Variants in SLCO1B3 observed in about 807,000 individuals in gnomAD.
SLCO1B3 encodes the protein liver-specific organic anion transporter 2.
In SLCO1B3, 72 loss-of-function variants were observed where a neutral mutation model predicts 71.8. That is an observed-to-expected ratio of 1.00 (90% CI 0.83 to 1.22). The LOEUF (loss-of-function observed/expected upper bound fraction) is 1.22. Ranked by LOEUF, SLCO1B3 falls within the 50% of genes most tolerant of loss-of-function variation. The pLI is 0.00. For synonymous variants in SLCO1B3, 298 were observed against 278.4 expected, an observed-to-expected ratio of 1.07 and a Z score of -0.70; for missense variants, 911 against 819.7, an observed-to-expected ratio of 1.11 and a Z score of -1.36.
intron 8 of SLCO1B3, among the ~76,000 whole-genome samples, chr12:20,869,153 C>T (rs1033705003): frequency 1.1e-4 from 16 of 152,110 alleles, no homozygotes; most frequent in African/African-American, 3.9e-4. Context: ...GGGTGACTCC[C>T]TTTCCCGGTC....
At chr12:20,889,624 T>C in intron 13 of SLCO1B3, among the ~76,000 whole-genome samples, 1 of 152,132 alleles carries the variant, frequency 6.6e-6, no homozygotes, top group Non-Finnish European at 1.5e-5. Flanking sequence ...CTATCTATCT[T>C]ACTTATATTT....
intron 6 of SLCO1B3, 85 bp downstream of exon 6, chr12:20,861,223 A>G (rs1865259009): frequency 8.0e-7 from 1 of 1,254,504 alleles, no homozygotes; most frequent in Non-Finnish European, 1.1e-6. Flanking sequence ...CTTTAACAAA[A>G]TTGATTTAAG....
intron 13 of SLCO1B3, 127 bp from the exon 14 acceptor site, chr12:20,898,309 C>T (rs764318445): frequency 2.5e-5 from 15 of 612,012 alleles, no homozygotes; most frequent in East Asian, 1.2e-4. Flanking sequence ...CTTTATATAA[C>T]GTGGGAAATT....
chr12:20,827,063 T>C lies in SLCO1B3; in HGVS notation c.84+11241T>C, dbSNP rs543952165. Among the ~76,000 whole-genome samples the C allele has an allele frequency of 3.2e-4, 48 of 152,304 alleles. 1 individual carries two copies. The South Asian group carries it at 8.3e-3, about 26-fold the overall frequency. ...AATAACTTTTTTCTTGTTGTTGTTTTGCCAATAACTCAAAAGTTAGCTGTT... is the reference window on the plus strand; with the variant it reads ...AATAACTTTTTTCTTGTTGTTGTTTCGCCAATAACTCAAAAGTTAGCTGTT... On this transcript the variant is annotated intron_variant, in intron 3 of 15. Transcript: ENST00000381545.
At chr12:20,899,617 C>T (rs957179794) in intron 14 of SLCO1B3, among the ~76,000 whole-genome samples, 14 of 152,248 alleles carry the variant, frequency 9.2e-5, no homozygotes, top group African/African-American at 3.1e-4. Flanking sequence ...TTTCTGTGTC[C>T]CTAATCTTCC....
intron 1 of SLCO1B3, among the ~76,000 whole-genome samples, chr12:20,813,259 G>A (rs184073669): frequency 6.4e-4 from 97 of 152,244 alleles, no homozygotes; most frequent in African/African-American, 1.9e-3. Context: ...TCCTTGTTGA[G>A]TAAATTAATG....
chr12:20,828,324 A>G lies in SLCO1B3; in HGVS notation c.84+12502A>G, dbSNP rs999726005. Among the ~76,000 whole-genome samples the G allele has an allele frequency of 3.3e-5, 5 of 151,708 alleles. 1 individual carries two copies. Among genetic ancestry groups the G allele is most frequent in the Admixed American group, 3.3e-4 (5 of 15,216 alleles). On this transcript the variant is annotated intron_variant, in intron 3 of 15. Coordinates refer to ENST00000381545, the MANE Select transcript of SLCO1B3 (RefSeq NM_019844.4). ...TAGTAAAAAAAAAAAAAAAAAGGTA[A>G]CACAATACAAAAACAGGCATTAAGA...
At chr12:20,851,018 T>C (rs535836661) in intron 3 of SLCO1B3, among the ~76,000 whole-genome samples, 7 of 152,338 alleles carry the variant, frequency 4.6e-5, no homozygotes, top group African/African-American at 1.4e-4. Flanking sequence ...TGAGATGATA[T>C]CTCATTGTGG....
intron 13 of SLCO1B3, among the ~76,000 whole-genome samples, chr12:20,896,841 T>C (rs967800047): frequency 2.6e-5 from 4 of 152,164 alleles, no homozygotes; most frequent in African/African-American, 7.2e-5. Flanking sequence ...AGGTTTAATA[T>C]GACTTATAGT....
intron 8 of SLCO1B3, among the ~76,000 whole-genome samples, chr12:20,868,712 C>A (rs1288555320): frequency 4.6e-5 from 7 of 151,932 alleles, no homozygotes; most frequent in Non-Finnish European, 8.8e-5. Flanking sequence ...ACCACCAATG[C>A]ACAGAGACTG....
intron 3 of SLCO1B3, among the ~76,000 whole-genome samples, chr12:20,823,675 G>T (rs773266215): frequency 6.6e-6 from 1 of 152,102 alleles, no homozygotes; most frequent in Non-Finnish European, 1.5e-5. Flanking sequence ...TTTGCACTAC[G>T]AATGTAAGAT....
intron 15 of SLCO1B3, chr12:20,902,014 A>G (rs1302634091): frequency 2.9e-6 from 1 of 339,538 alleles, no homozygotes; most frequent in Non-Finnish European, 5.6e-6. Flanking sequence ...TTATATATTG[A>G]TCAATATATA....
At position 20,899,234 on chromosome 12, in the gene SLCO1B3, A is replaced by G. The variant is rs371144092; in HGVS notation, c.1747+734A>G. ...CATTTGCCTTTTTTACTGCACAGATACTTGTTGTTAAATAATGTCTAGTCT... is the reference window on the plus strand; with the variant it reads ...CATTTGCCTTTTTTACTGCACAGATGCTTGTTGTTAAATAATGTCTAGTCT... On this transcript the variant is annotated intron_variant, in intron 14 of 15. Transcript: ENST00000381545. Among the ~76,000 whole-genome samples the G allele has an allele frequency of 2.6e-5, 4 of 152,310 alleles. No homozygotes were observed. In the East Asian group the frequency reaches 7.7e-4, roughly 29 times the overall value.
At chr12:20,825,056 C>T (rs1012125542) in intron 3 of SLCO1B3, among the ~76,000 whole-genome samples, 5 of 152,128 alleles carry the variant, frequency 3.3e-5, no homozygotes, top group African/African-American at 1.2e-4. Context: ...TTAAATCTGT[C>T]TCTCAAATCT....
Position 20,861,004 on chromosome 12 carries a change from G to T in SLCO1B3, c.360-13G>T. On this transcript the variant is annotated splice_polypyrimidine_tract_variant and intron_variant, in intron 5 of 15. Coordinates refer to ENST00000381545, the MANE Select transcript of SLCO1B3 (RefSeq NM_019844.4). Reference sequence around the variant, plus strand: ...AGATAAGCAAAATGTTCAATTTCATGTTGCTCTTACAGTTATAGGTATTCT... The same window carrying T: ...AGATAAGCAAAATGTTCAATTTCATTTTGCTCTTACAGTTATAGGTATTCT... 6.5e-7 allele frequency: 1 copy of T among 1,550,188 alleles called. No homozygotes were observed. Among genetic ancestry groups the T allele is most frequent in the Non-Finnish European group, 8.7e-7 (1 of 1,144,232 alleles).
chr12:20,851,025 G>T (rs1865017564), intron 3 of SLCO1B3, among the ~76,000 whole-genome samples: 1 of 152,130 alleles, frequency 6.6e-6, no homozygotes, highest in African/African-American at 2.4e-5. Context: ...ATATCTCATT[G>T]TGGTTTTGAT....
chr12:20,861,723 T>A (rs544245087), intron 6 of SLCO1B3, among the ~76,000 whole-genome samples: 23 of 134,244 alleles, frequency 1.7e-4, no homozygotes, highest in African/African-American at 4.8e-4. Context: ...CCCCAAAATT[T>A]ATTAAAAATA....
intron 3 of SLCO1B3, among the ~76,000 whole-genome samples, chr12:20,828,734 T>A (rs1864480284): frequency 6.6e-6 from 1 of 152,108 alleles, no homozygotes; most frequent in Non-Finnish European, 1.5e-5. Flanking sequence ...AAATACATCC[T>A]TTTAAATTTC....
chr12:20,877,569 T>C (rs964467819), intron 9 of SLCO1B3, among the ~76,000 whole-genome samples: 3 of 152,282 alleles, frequency 2.0e-5, no homozygotes, highest in African/African-American at 2.4e-5. Context: ...TCAGTTTAGA[T>C]GACATCTGAG....
Sources: allele counts gnomAD v4.1 joint callset (sites outside exome capture counted in the v4.1 genomes callset), GRCh38; gene constraint gnomAD v4.1.1; transcripts MANE v1.5; gene names NCBI Gene and HGNC (gene_info 2026-07-23, HGNC 2026-07-21).